The following FSHR variants were observed in gnomAD, a reference collection of about 807,000 sequenced individuals.
FSHR encodes follicle stimulating hormone receptor.
Under a neutral mutation model 52.1 loss-of-function variants are expected in FSHR, and 46 were observed. That is an observed-to-expected ratio of 0.88 (90% CI 0.70 to 1.13). The LOEUF is 1.13. FSHR is among the 50% of genes most tolerant of loss of function. FSHR has a pLI of 0.00. For missense variants in FSHR, 964 were observed against 834.6 expected, an observed-to-expected ratio of 1.16 and a Z score of -1.91; for synonymous variants, 399 against 309.6, an observed-to-expected ratio of 1.29 and a Z score of -3.03.
At chr2:48,991,846 G>A (rs1282477189) in intron 4 of FSHR, among the ~76,000 whole-genome samples, 1 of 152,164 alleles carries the variant, frequency 6.6e-6, no homozygotes, top group East Asian at 1.9e-4. Context: ...GATGGAGGTG[G>A]TGATAGTTGC....
At chr2:49,079,934 G>T (rs2349710) in intron 1 of FSHR, among the ~76,000 whole-genome samples, 43,830 of 151,904 alleles carry the variant, frequency 0.29, 6,712 homozygotes, top group East Asian at 0.51. Context: ...ATGTGTAAGC[G>T]TTAGACTGGA....
intron 1 of FSHR, among the ~76,000 whole-genome samples, chr2:49,078,938 G>A (rs539152459): frequency 1.3e-5 from 2 of 152,102 alleles, no homozygotes; most frequent in African/African-American, 4.8e-5. Context: ...AAAAAGATAT[G>A]TCAGAATTAC....
At chr2:49,132,239 T>C (rs2103813557) in intron 1 of FSHR, among the ~76,000 whole-genome samples, 1 of 152,288 alleles carries the variant, frequency 6.6e-6, no homozygotes, top group South Asian at 2.1e-4. Flanking sequence ...TTGATATAAC[T>C]TTTGGCTTGT....
chr2:48,997,096 A>T lies in FSHR; in HGVS notation c.375-6459T>A, dbSNP rs367875904. The T allele has an allele frequency of 3.0e-3, 912 of 301,800 alleles. 8 individuals carry two copies. The highest frequency in any genetic ancestry group is 0.02 in the African/African-American group (872 of 44,332). The allele number at this position is 301,800 out of a possible 1,614,324, so 18.7% of individuals were successfully genotyped here. Reference sequence around the variant, plus strand: ...GCAGAGCATGTAAGAAGGCGTATGAAAAAGGTCTTCAACTTAAGGTTTAGA... The same window carrying T: ...GCAGAGCATGTAAGAAGGCGTATGATAAAGGTCTTCAACTTAAGGTTTAGA... On this transcript the variant is annotated intron_variant, in intron 4 of 9. Coordinates refer to ENST00000406846, the MANE Select transcript of FSHR (RefSeq NM_000145.4).
intron 1 of FSHR, among the ~76,000 whole-genome samples, chr2:49,073,849 C>T (rs560429826): frequency 6.6e-6 from 1 of 151,990 alleles, no homozygotes; most frequent in South Asian, 2.1e-4. Flanking sequence ...AAACATAGAC[C>T]AGAAGAACAG....
At chr2:49,053,203 T>G (rs181977774) in intron 2 of FSHR, among the ~76,000 whole-genome samples, 1 of 152,210 alleles carries the variant, frequency 6.6e-6, no homozygotes, top group Non-Finnish European at 1.5e-5. Context: ...TATTTCACAT[T>G]TTGGCTTATT....
intron 2 of FSHR, among the ~76,000 whole-genome samples, chr2:49,040,983 T>G (rs529473140): frequency 6.6e-6 from 1 of 152,324 alleles, no homozygotes; most frequent in East Asian, 1.9e-4. Context: ...AGATGGTTTC[T>G]TTCATTGTCG....
intron 1 of FSHR, among the ~76,000 whole-genome samples, chr2:49,131,303 G>T (rs1045372104): frequency 3.3e-5 from 5 of 152,172 alleles, no homozygotes; most frequent in East Asian, 1.9e-4. Context: ...TCTAATTGGA[G>T]CCTATTTGCT....
Position 48,963,282 on chromosome 2 carries a change from C to T in FSHR, c.1539G>A (p.Lys513=). The T allele has an allele frequency of 6.2e-7, 1 of 1,614,108 alleles. No homozygotes were observed. Among genetic ancestry groups the T allele is most frequent in the East Asian group, 2.2e-5 (1 of 44,866 alleles). The change falls in exon 10 of 10, where the codon AAG becomes AAA. Residue 513 remains lysine, a synonymous_variant. Transcript: ENST00000406846. ...TATCCATGGGCAGGCAGATGCTCACCTTCATGTAGCTGCTGATGCCAAAGA... is the reference window on the plus strand; with the variant it reads ...TATCCATGGGCAGGCAGATGCTCACTTTCATGTAGCTGCTGATGCCAAAGA... ...FPIFGISSYM[K]VSICLPMDID...
At chr2:48,970,508 G>A (rs1429778842) in intron 8 of FSHR, among the ~76,000 whole-genome samples, 1 of 150,566 alleles carries the variant, frequency 6.6e-6, no homozygotes, top group African/African-American at 2.4e-5. Flanking sequence ...TCTTTCTGAT[G>A]CTTTTGTTTT....
At position 49,013,525 on chromosome 2, in the gene FSHR, TA is replaced by T. The variant is rs1339242094; in HGVS notation, c.374+3963del. On this transcript the variant is annotated intron_variant, in intron 4 of 9. Transcript: ENST00000406846. The stretch of plus-strand genomic sequence containing the variant: ...AAATATATATATATATAAATATATA[TA>T]AAAATATATATATAAATAAATATAT... Among the ~76,000 whole-genome samples, 66 of 142,542 alleles carry T rather than the reference TA, an allele frequency of 4.6e-4. 1 individual carries two copies. Among genetic ancestry groups the T allele is most frequent in the South Asian group, 3.9e-3 (18 of 4,648 alleles). The allele number at this position is 142,542 out of a possible 152,430, so 93.5% of individuals were successfully genotyped here.
chr2:49,138,950 G>A (rs1672579848), intron 1 of FSHR, among the ~76,000 whole-genome samples: 1 of 152,180 alleles, frequency 6.6e-6, no homozygotes, highest in Admixed American at 6.5e-5. Context: ...TGGGGTATGA[G>A]ATAAAGGTGG....
intron 2 of FSHR, among the ~76,000 whole-genome samples, chr2:49,061,204 A>G (rs1215135860): frequency 7.2e-5 from 11 of 152,066 alleles, no homozygotes; most frequent in Admixed American, 7.2e-4. Flanking sequence ...GCAAACTTGC[A>G]CCTCAAGACC....
At chr2:49,113,378 A>G (rs1671492647) in intron 1 of FSHR, among the ~76,000 whole-genome samples, 1 of 152,206 alleles carries the variant, frequency 6.6e-6, no homozygotes, top group Non-Finnish European at 1.5e-5. Flanking sequence ...CTAAGCTCCT[A>G]TGAGTTCTTA....
intron 1 of FSHR, among the ~76,000 whole-genome samples, chr2:49,072,529 T>C (rs1669775497): frequency 6.6e-6 from 1 of 152,172 alleles, no homozygotes; most frequent in Non-Finnish European, 1.5e-5. Flanking sequence ...CCAATAATTT[T>C]TATTCCATTT....
intron 1 of FSHR, among the ~76,000 whole-genome samples, chr2:49,129,212 C>A (rs1171238517): frequency 6.6e-6 from 1 of 152,136 alleles, no homozygotes; most frequent in Non-Finnish European, 1.5e-5. Context: ...GGGTGTTTTC[C>A]TTGAAGCTGC....
At chr2:49,002,771 G>A (rs917945) in intron 4 of FSHR, among the ~76,000 whole-genome samples, 115,421 of 151,984 alleles carry the variant, frequency 0.76, 43,905 homozygotes, top group Admixed American at 0.81. Context: ...ATATCACCCC[G>A]GGAGGCCCTG....
chr2:49,143,266 C>T (rs1047208911), intron 1 of FSHR, among the ~76,000 whole-genome samples: 1 of 151,982 alleles, frequency 6.6e-6, no homozygotes, highest in African/African-American at 2.4e-5. Flanking sequence ...CACTGAAAGT[C>T]AAAAAAGGAA....
intron 9 of FSHR, among the ~76,000 whole-genome samples, chr2:48,968,016 G>A (rs1468627449): frequency 6.6e-6 from 1 of 152,188 alleles, no homozygotes; most frequent in Admixed American, 6.5e-5. Flanking sequence ...TCTGGAACAT[G>A]TGTACAATCT....
Sources: gnomAD v4.1 joint callset for allele counts (sites outside exome capture counted in the v4.1 genomes callset) on GRCh38, gnomAD v4.1.1 for gene constraint, MANE v1.5 for transcripts, NCBI Gene and HGNC (gene_info 2026-07-23, HGNC 2026-07-21) for gene names.